PPP1R1C: variants seen among roughly 807,000 people sequenced by gnomAD.
The protein encoded by PPP1R1C is protein phosphatase 1 regulatory inhibitor subunit 1C.
A neutral mutation model predicts 17.4 loss-of-function variants in PPP1R1C; 15 were observed. The ratio of observed to expected loss-of-function variants is 0.86; its 90% confidence interval spans 0.58 to 1.33. The LOEUF (loss-of-function observed/expected upper bound fraction) is 1.33. Among genes scored for constraint, PPP1R1C ranks in the 40% most tolerant of loss-of-function variants. The pLI, the probability that PPP1R1C is intolerant of heterozygous loss-of-function variation, is 0.00. For missense variants in PPP1R1C, 143 were observed against 130.0 expected (o/e 1.10, Z -0.48); for synonymous variants, 35 against 43.1 (o/e 0.81, Z 0.73).
intron 1 of PPP1R1C, among the ~76,000 whole-genome samples, chr2:181,956,115 T>C (rs1684666114): frequency 6.6e-6 from 1 of 152,214 alleles, no homozygotes; most frequent in Non-Finnish European, 1.5e-5. Context: ...GTTCTCACTT[T>C]TCAACTCCCA....
chr2:182,031,840 T>C (rs1483911696), intron 2 of PPP1R1C, among the ~76,000 whole-genome samples: 1 of 152,196 alleles, frequency 6.6e-6, no homozygotes, highest in Non-Finnish European at 1.5e-5. Context: ...CTAGAAGATT[T>C]TGTTAAAAGA....
intron 4 of PPP1R1C, among the ~76,000 whole-genome samples, chr2:182,087,921 C>T (rs949758451): frequency 2.6e-5 from 4 of 152,186 alleles, no homozygotes; most frequent in African/African-American, 9.7e-5. Flanking sequence ...AGGGCATAAC[C>T]ATAGGCTAGG....
At chr2:182,024,426 A>G (rs760258142) in intron 2 of PPP1R1C, among the ~76,000 whole-genome samples, 5 of 152,178 alleles carry the variant, frequency 3.3e-5, no homozygotes, top group Admixed American at 6.5e-5. Context: ...GATAACCACT[A>G]CACTTGAAAT....
At chr2:181,995,274 A>G (rs1685581221) in intron 2 of PPP1R1C, among the ~76,000 whole-genome samples, 1 of 152,236 alleles carries the variant, frequency 6.6e-6, no homozygotes, top group Non-Finnish European at 1.5e-5. Flanking sequence ...ATAAATGACA[A>G]TGATTACTTT....
intron 1 of PPP1R1C, among the ~76,000 whole-genome samples, chr2:181,965,444 G>A (rs2125131969): frequency 6.6e-6 from 1 of 152,282 alleles, no homozygotes; most frequent in East Asian, 1.9e-4. Context: ...CTTGATTTAA[G>A]TCTTTAATCC....
At chr2:182,111,206 A>G (rs1292304273) in intron 4 of PPP1R1C, among the ~76,000 whole-genome samples, 1 of 152,164 alleles carries the variant, frequency 6.6e-6, no homozygotes, top group African/African-American at 2.4e-5. Context: ...CTATTGGGTA[A>G]CAGTTTTGGT....
chr2:182,043,347 T>A (rs1687242283), intron 2 of PPP1R1C, among the ~76,000 whole-genome samples: 1 of 152,200 alleles, frequency 6.6e-6, no homozygotes, highest in African/African-American at 2.4e-5. Context: ...GAAATATGGT[T>A]ATTATATACT....
chr2:182,032,393 C>A (rs1428558926), intron 2 of PPP1R1C, among the ~76,000 whole-genome samples: 2 of 152,146 alleles, frequency 1.3e-5, no homozygotes, highest in East Asian at 3.8e-4. Flanking sequence ...GTTCGTTTTT[C>A]CATAATACTT....
At chr2:182,042,547 G>A (rs1339014825) in intron 2 of PPP1R1C, among the ~76,000 whole-genome samples, 4 of 152,100 alleles carry the variant, frequency 2.6e-5, no homozygotes, top group Non-Finnish European at 5.9e-5. Context: ...GTCCTCTAGT[G>A]GTTGTGAACT....
At chr2:182,048,555 A>G (rs1015705850) in intron 2 of PPP1R1C, among the ~76,000 whole-genome samples, 2 of 152,252 alleles carry the variant, frequency 1.3e-5, no homozygotes, top group African/African-American at 2.4e-5. Context: ...TAGAATGCTA[A>G]TAACACAAGG....
intron 4 of PPP1R1C, 75 bp from the exon 5 acceptor site, chr2:182,117,132 T>A (rs1234599593): frequency 3.1e-5 from 31 of 1,015,296 alleles, no homozygotes; most frequent in Middle Eastern, 4.2e-4. Context: ...CTCTTTTCTT[T>A]ATCTTTTGCA....
At chr2:181,997,949 T>G (rs1685660420) in intron 2 of PPP1R1C, among the ~76,000 whole-genome samples, 1 of 152,214 alleles carries the variant, frequency 6.6e-6, no homozygotes, top group Admixed American at 6.5e-5. Context: ...ATAGCAATGT[T>G]TTTTCTGTTA....
intron 2 of PPP1R1C, among the ~76,000 whole-genome samples, chr2:182,047,092 GTCA>G (rs914813328): frequency 6.6e-6 from 1 of 152,092 alleles, no homozygotes; most frequent in African/African-American, 2.4e-5. Flanking sequence ...AAAATTTCCT[GTCA>G]TCATCATTCA....
At chr2:182,034,213 A>G (rs989063294) in intron 2 of PPP1R1C, among the ~76,000 whole-genome samples, 1 of 152,178 alleles carries the variant, frequency 6.6e-6, no homozygotes, top group African/African-American at 2.4e-5. Flanking sequence ...TAAGGACAGG[A>G]AGACAAAGTT....
In PPP1R1C at chr2:182,036,219, C is replaced by CA. The variant is rs201454644; in HGVS notation, c.143-25222dup. 3.5e-3 allele frequency among the ~76,000 whole-genome samples: 538 copies of CA among 152,284 alleles called. 6 individuals are homozygous for CA. Among genetic ancestry groups the CA allele is most frequent in the African/African-American group, 0.012 (501 of 41,560 alleles). ...TAGATAGTTTCTCCTCTTGAGGACT[C>CA]AGTTGCTGTGCTTTGAACTGGTTTC... On this transcript the variant is annotated intron_variant, in intron 2 of 4. Transcript: ENST00000682840.
chr2:182,043,694 G>C (rs1008144495), intron 2 of PPP1R1C, among the ~76,000 whole-genome samples: 3 of 150,794 alleles, frequency 2.0e-5, no homozygotes, highest in Non-Finnish European at 4.5e-5. Context: ...TCGAATCCTT[G>C]GTTTCTCTTG....
At chr2:182,057,778 T>G (rs911616132) in intron 2 of PPP1R1C, among the ~76,000 whole-genome samples, 5 of 152,170 alleles carry the variant, frequency 3.3e-5, no homozygotes, top group Non-Finnish European at 5.9e-5. Flanking sequence ...TTCATGACCT[T>G]GTTTTTAGTT....
At chr2:182,082,181 C>A (rs561333686) in intron 4 of PPP1R1C, among the ~76,000 whole-genome samples, 1 of 152,238 alleles carries the variant, frequency 6.6e-6, no homozygotes, top group East Asian at 1.9e-4. Flanking sequence ...TAGGAATTCT[C>A]ACTTCACCCA....
intron 4 of PPP1R1C, among the ~76,000 whole-genome samples, chr2:182,088,855 A>G (rs767111702): frequency 4.6e-5 from 7 of 152,210 alleles, no homozygotes; most frequent in Non-Finnish European, 1.0e-4. Context: ...CTTAGCCTAA[A>G]TGAATCACAA....
Sources: gnomAD v4.1 joint callset for allele counts (sites outside exome capture counted in the v4.1 genomes callset) on GRCh38, gnomAD v4.1.1 for gene constraint, MANE v1.5 for transcripts, NCBI Gene and HGNC (gene_info 2026-07-23, HGNC 2026-07-21) for gene names.